The following YWHAQ variants were observed in gnomAD, a reference collection of about 807,000 sequenced individuals.
The protein encoded by YWHAQ is 14-3-3 protein theta.
In YWHAQ, 6 loss-of-function variants were observed where a neutral mutation model predicts 28.3. The ratio of observed to expected loss-of-function variants is 0.21; its 90% CI spans 0.12 to 0.42. The LOEUF is 0.42. Ranked by LOEUF, YWHAQ falls within the 10% of genes least tolerant of loss-of-function variation. The probability of loss-of-function intolerance (pLI) is 1.00; values close to 1 mark genes in which losing one functional copy is unlikely to be tolerated. For missense variants in YWHAQ, 201 were observed against 305.6 expected, an observed-to-expected ratio of 0.66 and a Z score of 2.55; for synonymous variants, 143 against 119.1, an observed-to-expected ratio of 1.20 and a Z score of -1.31.
chr2:9,606,587 T>C (rs1666834487), intron 2 of YWHAQ, among the ~76,000 whole-genome samples: 1 of 152,188 alleles, frequency 6.6e-6, no homozygotes, highest in Non-Finnish European at 1.5e-5. Context: ...TGGAGTGCAG[T>C]GGTGTGATAT....
At chr2:9,609,492 A>G (rs977334746) in intron 2 of YWHAQ, among the ~76,000 whole-genome samples, 5 of 152,190 alleles carry the variant, frequency 3.3e-5, no homozygotes, top group Non-Finnish European at 5.9e-5. Context: ...AGAAAGAATG[A>G]AGATGAGATG....
intron 2 of YWHAQ, among the ~76,000 whole-genome samples, chr2:9,623,960 A>T (rs1411051303): frequency 6.6e-6 from 1 of 152,074 alleles, no homozygotes; most frequent in Non-Finnish European, 1.5e-5. Flanking sequence ...AACTATGAAG[A>T]AGTGGCACTT....
At chr2:9,623,957 A>G (rs930550403) in intron 2 of YWHAQ, among the ~76,000 whole-genome samples, 1 of 152,074 alleles carries the variant, frequency 6.6e-6, no homozygotes, top group Non-Finnish European at 1.5e-5. Context: ...GACAACTATG[A>G]AGAAGTGGCA....
At chr2:9,595,626 C>G (rs1461719444) in intron 2 of YWHAQ, among the ~76,000 whole-genome samples, 1 of 150,672 alleles carries the variant, frequency 6.6e-6, no homozygotes, top group East Asian at 1.9e-4. Flanking sequence ...ACTGCTTGAA[C>G]CCAGGAGGCA....
intron 2 of YWHAQ, among the ~76,000 whole-genome samples, chr2:9,608,740 G>C (rs993077583): frequency 2.0e-5 from 3 of 152,222 alleles, no homozygotes; most frequent in Non-Finnish European, 4.4e-5. Flanking sequence ...CTTGAGGTCA[G>C]GAGTTCGAAA....
chr2:9,621,317 CTCCT>C (rs1179787607), intron 2 of YWHAQ, among the ~76,000 whole-genome samples: 2 of 152,138 alleles, frequency 1.3e-5, no homozygotes, highest in East Asian at 3.9e-4. Context: ...CCAGTGATGT[CTCCT>C]AAGTGGGGAT....
chr2:9,584,394 A>C lies in YWHAQ; in HGVS notation c.*892T>G, dbSNP rs1206986484. ...ACAATAGTGGTCCAACTCTCTAAAT[A>C]ACAATCACTAGACAAACTGGACACC... On this transcript the variant is annotated 3_prime_UTR_variant, in exon 6 of 6. Coordinates refer to ENST00000238081, the MANE Select transcript of YWHAQ (RefSeq NM_006826.4). 2.0e-5 allele frequency: 3 copies of C among 152,684 alleles called. No individual in the cohort carries two copies. The highest frequency in any genetic ancestry group is 4.4e-5 in the Non-Finnish European group (3 of 68,048). The allele number at this position is 152,684 out of a possible 1,614,324, so 9.5% of individuals were successfully genotyped here. A position where few individuals can be genotyped will look rare whatever the true frequency, so the allele number is the denominator to read the frequency against.
chr2:9,593,976 A>AACACAC (rs371022884), intron 2 of YWHAQ, among the ~76,000 whole-genome samples: 1,766 of 145,826 alleles, frequency 0.012, 19 homozygotes, highest in Non-Finnish European at 0.02. Context: ...AGGAAGTTAA[A>AACACAC]ACACACACAC....
At chr2:9,599,727 T>C (rs1000270230) in intron 2 of YWHAQ, among the ~76,000 whole-genome samples, 6 of 152,248 alleles carry the variant, frequency 3.9e-5, no homozygotes, top group South Asian at 4.1e-4. Context: ...ATGCAGCACC[T>C]GTTTACCAAA....
intron 2 of YWHAQ, among the ~76,000 whole-genome samples, chr2:9,612,740 C>G (rs1666973676): frequency 6.6e-6 from 1 of 152,176 alleles, no homozygotes; most frequent in Non-Finnish European, 1.5e-5. Context: ...AAAAGCAACA[C>G]TAAGTATCTC....
At position 9,630,414 on chromosome 2, in the gene YWHAQ, G is replaced by A. The variant is rs368668324; in HGVS notation, c.39C>T (p.Ala13=). ...TGTCGTCGTAGCGCTCGGCCTGCTC[G>A]GCCAGCTTGGCCTTCTGGATCAGCT... The part of the protein sequence containing the change: ...KTELIQKAKL[A]EQAERYDDMA... Residue 13 remains alanine, a synonymous_variant, in exon 2 of 6, where the codon GCC becomes GCT. Transcript: ENST00000238081. The surrounding 1 kb of genome is among the most constrained non-coding windows in gnomAD (Gnocchi z 5.6). The A allele has an allele frequency of 2.9e-5, 47 of 1,612,696 alleles. No individual in the cohort carries two copies. The highest frequency in any genetic ancestry group is 3.9e-5 in the Non-Finnish European group (46 of 1,179,962).
At chr2:9,613,022 A>C (rs1666980647) in intron 2 of YWHAQ, among the ~76,000 whole-genome samples, 2 of 152,198 alleles carry the variant, frequency 1.3e-5, no homozygotes, top group South Asian at 4.1e-4. Context: ...AGACCAACAA[A>C]TTAGACATAG....
At chr2:9,626,884 C>A (rs1667257335) in intron 2 of YWHAQ, among the ~76,000 whole-genome samples, 1 of 152,218 alleles carries the variant, frequency 6.6e-6, no homozygotes. Context: ...AAAAACTACT[C>A]ATTTAAGAGG....
At chr2:9,591,242 G>C in intron 3 of YWHAQ, 150 bp downstream of exon 3, 1 of 962,430 alleles carries the variant, frequency 1.0e-6, no homozygotes, top group Non-Finnish European at 1.4e-6. Context: ...TTTCATTTTT[G>C]AGAACATAAG....
intron 2 of YWHAQ, among the ~76,000 whole-genome samples, chr2:9,605,034 A>G (rs1370016576): frequency 6.6e-6 from 1 of 152,122 alleles, no homozygotes; most frequent in Non-Finnish European, 1.5e-5. Flanking sequence ...CTTTGAAATG[A>G]TATGTGAATT....
chr2:9,607,233 C>T (rs1305061862), intron 2 of YWHAQ, among the ~76,000 whole-genome samples: 1 of 145,096 alleles, frequency 6.9e-6, no homozygotes, highest in South Asian at 2.1e-4. Flanking sequence ...CAGGGTTTTG[C>T]TCTGTTGCCC....
chr2:9,605,285 A>G (rs954204178), intron 2 of YWHAQ, among the ~76,000 whole-genome samples: 3 of 150,738 alleles, frequency 2.0e-5, no homozygotes, highest in Admixed American at 6.6e-5. Flanking sequence ...CCACAGGCGC[A>G]TACCACCACA....
intron 2 of YWHAQ, among the ~76,000 whole-genome samples, chr2:9,617,821 G>T (rs1228366621): frequency 6.6e-6 from 1 of 151,956 alleles, no homozygotes; most frequent in African/African-American, 2.4e-5. Context: ...CAGCTATTTG[G>T]GAGGCTGAAG....
In YWHAQ at chr2:9,584,623, A is replaced by G. The variant is rs1288795597; in HGVS notation, c.*663T>C. 3.3e-5 allele frequency: 5 copies of G among 152,676 alleles called. No individual in the cohort carries two copies. The East Asian group carries it at 9.6e-4, about 29-fold the overall frequency. 9.5% of individuals were successfully genotyped at this position (152,676 alleles called of 1,614,324 possible). On this transcript the variant is annotated 3_prime_UTR_variant, in exon 6 of 6. Coordinates refer to ENST00000238081, the MANE Select transcript of YWHAQ (RefSeq NM_006826.4). ...CCAGAACTACAAAGGCAGGAGGTGT[A>G]AGTGAATTTTTATTGGGAGGGGAGG...
Sources: allele counts gnomAD v4.1 joint callset (sites outside exome capture counted in the v4.1 genomes callset), GRCh38; gene constraint gnomAD v4.1.1; non-coding constraint Gnocchi (gnomAD v3.1); transcripts MANE v1.5; gene names NCBI Gene and HGNC (gene_info 2026-07-23, HGNC 2026-07-21).